The following ZNF33B variants were observed in gnomAD, a reference collection of about 807,000 sequenced individuals.
ZNF33B encodes the protein zinc finger protein 33B.
In ZNF33B, 29 loss-of-function variants were observed where a neutral mutation model predicts 45.8. The observed-to-expected ratio is 0.63, with a 90% CI of 0.47 to 0.86. ZNF33B has a LOEUF of 0.86. Ranked by LOEUF, ZNF33B falls within the 40% of genes least tolerant of loss-of-function variation. The pLI is 0.00. For synonymous variants in ZNF33B, 305 were observed against 307.8 expected, an observed-to-expected ratio of 0.99 and a Z score of 0.10; for missense variants, 831 against 909.9, an observed-to-expected ratio of 0.91 and a Z score of 1.12.
chr10:42,604,590 C>T (rs889938756), intron 4 of ZNF33B, among the ~76,000 whole-genome samples: 7 of 151,904 alleles, frequency 4.6e-5, no homozygotes, highest in African/African-American at 1.5e-4. Flanking sequence ...AAAATTATAA[C>T]TGCAATGGAA....
rs141193957 is a variant in ZNF33B, at chr10:42,625,662, G to A, written c.250+6267C>T. Among the ~76,000 whole-genome samples, 654 of 152,218 alleles carry A rather than the reference G, an allele frequency of 4.3e-3. 9 individuals carry two copies. The highest frequency in any genetic ancestry group is 0.015 in the African/African-American group (609 of 41,548). ...CTAATTTTGTATTTTTAGTAGAGATGGGGTTTCTCCATATTGGTCAGGCTG... is the reference window on the plus strand; with the variant it reads ...CTAATTTTGTATTTTTAGTAGAGATAGGGTTTCTCCATATTGGTCAGGCTG... On this transcript the variant is annotated intron_variant, in intron 4 of 4. Transcript: ENST00000359467.
chr10:42,609,041 C>A (rs1440675114), intron 4 of ZNF33B, among the ~76,000 whole-genome samples: 1 of 152,010 alleles, frequency 6.6e-6, no homozygotes, highest in African/African-American at 2.4e-5. Context: ...AAAACAAAAA[C>A]GACTAAAACC....
At chr10:42,631,001 G>C (rs908459770) in intron 4 of ZNF33B, among the ~76,000 whole-genome samples, 1 of 152,064 alleles carries the variant, frequency 6.6e-6, no homozygotes, top group Non-Finnish European at 1.5e-5. Context: ...GCTGAAAAGA[G>C]GCAGAATCCT....
chr10:42,595,078 T>G (rs1837343693), intron 4 of ZNF33B, among the ~76,000 whole-genome samples: 1 of 152,144 alleles, frequency 6.6e-6, no homozygotes, highest in Non-Finnish European at 1.5e-5. Flanking sequence ...ACCCATGACT[T>G]TAGCATAACT....
chr10:42,636,771 T>C, intron 2 of ZNF33B, 149 bp downstream of exon 2: 3 of 1,041,156 alleles, frequency 2.9e-6, no homozygotes, highest in East Asian at 4.9e-5. Flanking sequence ...AAGGTTGCAG[T>C]GAACAGAGAT....
intron 4 of ZNF33B, among the ~76,000 whole-genome samples, chr10:42,613,835 AG>A (rs1183074336): frequency 6.6e-6 from 1 of 152,222 alleles, no homozygotes; most frequent in East Asian, 1.9e-4. Flanking sequence ...GCACACCATT[AG>A]CCCCTATCTT....
intron 4 of ZNF33B, among the ~76,000 whole-genome samples, chr10:42,599,455 CATATAT>C (rs1236833667): frequency 0.024 from 11 of 452 alleles, no homozygotes; most frequent in African/African-American, 0.1. Context: ...GTGTATATTA[CATATAT>C]ACATATGTAT....
chr10:42,634,395 T>C (rs1839195726), intron 2 of ZNF33B, among the ~76,000 whole-genome samples: 1 of 134,462 alleles, frequency 7.4e-6, no homozygotes, highest in South Asian at 2.2e-4. Flanking sequence ...CAACTCTGTC[T>C]CAAAAAAAAA....
At chr10:42,638,077 G>A (rs1439642614) in intron 1 of ZNF33B, among the ~76,000 whole-genome samples, 1 of 152,230 alleles carries the variant, frequency 6.6e-6, no homozygotes, top group Non-Finnish European at 1.5e-5. Context: ...GAGGATGAAC[G>A]CAGAACGGGC....
chr10:42,628,117 G>A (rs909042232), intron 4 of ZNF33B, among the ~76,000 whole-genome samples: 1 of 152,138 alleles, frequency 6.6e-6, no homozygotes, highest in Non-Finnish European at 1.5e-5. Flanking sequence ...CCCAGTTCAA[G>A]AGATTCTCCT....
intron 4 of ZNF33B, among the ~76,000 whole-genome samples, chr10:42,616,320 A>C (rs1283295456): frequency 2.0e-5 from 3 of 152,222 alleles, no homozygotes; most frequent in Non-Finnish European, 2.9e-5. Flanking sequence ...AAATTGGTGA[A>C]GAGTACAGTA....
intron 4 of ZNF33B, among the ~76,000 whole-genome samples, chr10:42,596,390 T>C (rs527307766): frequency 1.6e-4 from 25 of 152,272 alleles, no homozygotes; most frequent in East Asian, 9.6e-4. Flanking sequence ...TCAGGTAATG[T>C]TATACATATG....
downstream of ZNF33B, among the ~76,000 whole-genome samples, chr10:42,586,562 AC>A (rs1589013843): frequency 6.6e-6 from 1 of 152,346 alleles, no homozygotes. Context: ...CTTCAGATTA[AC>A]TATTAACTGG....
chr10:42,596,238 T>A (rs1837394564), intron 4 of ZNF33B, among the ~76,000 whole-genome samples: 1 of 151,966 alleles, frequency 6.6e-6, no homozygotes, highest in Non-Finnish European at 1.5e-5. Flanking sequence ...AGAACCATCA[T>A]GAACCTGGGA....
At chr10:42,598,174 GT>G (rs1233927022) in intron 4 of ZNF33B, among the ~76,000 whole-genome samples, 10 of 152,340 alleles carry the variant, frequency 6.6e-5, no homozygotes, top group African/African-American at 2.2e-4. Flanking sequence ...ACTGCCTAGT[GT>G]GCCTTAACAC....
chr10:42,594,116 A>G lies in ZNF33B; in HGVS notation c.834T>C (p.Ser278=), dbSNP rs139544461. The part of the protein sequence containing the change: ...PPSKDSHYEF[S]DCEKFLCVKS... ...TCACACATAAGAACTTCTCACAATC[A>G]CTAAATTCATAGTGACTGTCCTTTG... The change falls in exon 5 of 5, where the codon AGT becomes AGC. Residue 278 remains serine (S), a synonymous_variant. Transcript: ENST00000359467. 1.2e-4 allele frequency: 195 copies of G among 1,614,008 alleles called. No homozygotes were observed. The highest frequency in any genetic ancestry group is 1.5e-4 in the Non-Finnish European group (180 of 1,179,950).
rs1836722778 is a variant in ZNF33B, at chr10:42,574,742, T to A, written c.74-64A>T. On this transcript the variant is annotated intron_variant, in intron 1 of 1. Coordinates refer to the ZNF33B transcript ENST00000462075. ...ATGCTGTGCACTTCACACAGGTCTG[T>A]TTTTTCTCTTGACTTTAGGAACCTA... 3 of 152,130 alleles carry A rather than the reference T, an allele frequency of 2.0e-5. No homozygotes were observed. In the South Asian group the frequency reaches 6.2e-4, roughly 32 times the overall value. 9.4% of individuals were successfully genotyped at this position (152,130 alleles called of 1,614,324 possible). A position where few individuals can be genotyped will look rare whatever the true frequency, so the allele number is the denominator to read the frequency against.
chr10:42,576,899 A>G (rs567201816), intron 1 of ZNF33B, among the ~76,000 whole-genome samples: 1 of 152,190 alleles, frequency 6.6e-6, no homozygotes, highest in Admixed American at 6.5e-5. Context: ...TTGGGAGGCC[A>G]AGGCGGCTGG....
At chr10:42,583,209 C>CT in intron 1 of ZNF33B, 1 of 704,844 alleles carries the variant, frequency 1.4e-6, no homozygotes, top group Non-Finnish European at 2.6e-6. Flanking sequence ...GCCCTCTTTT[C>CT]TTGTGTTTTC....
Sources: gnomAD v4.1 joint callset for allele counts (sites outside exome capture counted in the v4.1 genomes callset) on GRCh38, gnomAD v4.1.1 for gene constraint, MANE v1.5 for transcripts, NCBI Gene and HGNC (gene_info 2026-07-23, HGNC 2026-07-21) for gene names.